MYO18B: variants seen among roughly 807,000 people sequenced by gnomAD.
The protein encoded by MYO18B is unconventional myosin-XVIIIb.
MYO18B carries 204 observed loss-of-function variants against 273.0 expected under a neutral mutation model. The ratio of observed to expected loss-of-function variants is 0.75; its 90% CI spans 0.67 to 0.84. The LOEUF is 0.84. MYO18B is among the 40% of genes least tolerant of loss of function. The pLI is 0.00. For missense variants in MYO18B, 3,212 were observed against 3,287.6 expected, an observed-to-expected ratio of 0.98 and a Z score of 0.56; for synonymous variants, 1,330 against 1,305.7, an observed-to-expected ratio of 1.02 and a Z score of -0.40.
At position 25,818,205 on chromosome 22, in the gene MYO18B, A is replaced by C. The variant is rs75212018; in HGVS notation, c.2522-5300A>C. Among the ~76,000 whole-genome samples the C allele has an allele frequency of 5.2e-3, 788 of 152,296 alleles. 8 individuals are homozygous for C. The highest frequency in any genetic ancestry group is 0.018 in the African/African-American group (761 of 41,564). On this transcript the variant is annotated intron_variant, in intron 12 of 43. Transcript: ENST00000335473. ...GGCAGGGGAAAATCCACTTCCCCCA[A>C]TGGGGAGTTCCCTTTGAGGAATAAT...
intron 42 of MYO18B, among the ~76,000 whole-genome samples, chr22:26,020,827 G>A (rs114297323): frequency 0.016 from 2,379 of 152,250 alleles, 62 homozygotes; most frequent in African/African-American, 0.055. Context: ...CGTGACTCAC[G>A]CCTGTAATCC....
At chr22:25,870,675 A>G (rs2091022408) in intron 22 of MYO18B, among the ~76,000 whole-genome samples, 1 of 152,092 alleles carries the variant, frequency 6.6e-6, no homozygotes, top group Non-Finnish European at 1.5e-5. Context: ...GCAGTTCTCA[A>G]AGTATGGGCC....
chr22:25,851,420 C>A (rs1317247834), intron 20 of MYO18B, 50 bp from the exon 21 acceptor site: 10 of 1,306,054 alleles, frequency 7.7e-6, no homozygotes, highest in Non-Finnish European at 1.1e-5. Flanking sequence ...TGGGCTGGGT[C>A]TTCTCATCTG....
At chr22:25,925,788 C>T (rs1430072558) in intron 34 of MYO18B, among the ~76,000 whole-genome samples, 1 of 150,560 alleles carries the variant, frequency 6.6e-6, no homozygotes, top group Non-Finnish European at 1.5e-5. Context: ...GACTGTAATC[C>T]CAGCTACTCA....
intron 12 of MYO18B, among the ~76,000 whole-genome samples, chr22:25,805,456 G>A (rs2088427051): frequency 6.6e-6 from 1 of 152,182 alleles, no homozygotes; most frequent in African/African-American, 2.4e-5. Context: ...TCAGCTGGGA[G>A]CCCTAGAGCT....
chr22:25,782,494 A>G (rs190872572), intron 10 of MYO18B, among the ~76,000 whole-genome samples: 574 of 152,308 alleles, frequency 3.8e-3, no homozygotes, highest in Non-Finnish European at 5.9e-3. Context: ...CTAAAAAGCC[A>G]TCTCTGCCCT....
In MYO18B at chr22:25,823,557, C is replaced by A. The variant is rs886247710; in HGVS notation, c.2574C>A (p.Ala858=). The A allele has an allele frequency of 1.9e-6, 3 of 1,613,856 alleles. No homozygotes were observed. In the African/African-American group the frequency reaches 4.0e-5, roughly 22 times the overall value. Residue 858 remains alanine, a synonymous_variant, in exon 13 of 44, where the codon GCC becomes GCA. Transcript: ENST00000335473. The part of the protein sequence containing the change: ...RFEWANYAAE[A]LGCEYEELNT... The stretch of plus-strand genomic sequence containing the variant: ...AGTGGGCAAACTACGCAGCTGAGGC[C>A]CTGGGCTGCGAGTATGAGGAGCTGA...
intron 23 of MYO18B, among the ~76,000 whole-genome samples, chr22:25,874,879 T>C (rs775033607): frequency 1.3e-5 from 2 of 152,164 alleles, no homozygotes; most frequent in Non-Finnish European, 2.9e-5. Context: ...ACAAGTATTA[T>C]ATATGTTCGA....
chr22:25,843,851 C>T lies in MYO18B; in HGVS notation c.3325C>T (p.Leu1109Phe), dbSNP rs769406783. The T allele has an allele frequency of 6.2e-7, 1 of 1,613,434 alleles. No homozygotes were observed. The highest frequency in any genetic ancestry group is 1.1e-5 in the South Asian group (1 of 91,056). Residue 1109 changes from leucine to phenylalanine, a missense_variant, in exon 18 of 44, where the codon CTC becomes TTC. Physicochemically the swap from Leu to Phe is conservative, Grantham distance 22 (BLOSUM62 0). Transcript: ENST00000335473. Reference sequence around the variant, plus strand: ...CTGGCTCCACAGAGCCAAGCCCAACCTCTCGGCCCTGGATGCACCCCAGGT... The same window carrying T: ...CTGGCTCCACAGAGCCAAGCCCAACTTCTCGGCCCTGGATGCACCCCAGGT... ...TGWLHRAKPNLSALDAPQVLH... is the reference protein window; with the variant it reads ...TGWLHRAKPNFSALDAPQVLH...
chr22:25,982,436 A>G (rs76211601), intron 39 of MYO18B, among the ~76,000 whole-genome samples: 2,681 of 152,310 alleles, frequency 0.018, 85 homozygotes, highest in African/African-American at 0.062. Context: ...GCAACAAGCA[A>G]CCACTAACAC....
intron 4 of MYO18B, 26 bp downstream of exon 4, chr22:25,769,454 G>T (rs190475710): frequency 6.7e-7 from 1 of 1,487,142 alleles, no homozygotes; most frequent in Admixed American, 2.4e-5. Flanking sequence ...CCCTGGGAGC[G>T]GGAAGCGGCA....
intron 21 of MYO18B, among the ~76,000 whole-genome samples, chr22:25,857,327 A>G (rs777723981): frequency 6.6e-6 from 1 of 152,182 alleles, no homozygotes; most frequent in Admixed American, 6.5e-5. Flanking sequence ...CAAAGTGTCT[A>G]CAGTGTTGAT....
intron 14 of MYO18B, 37 bp from the exon 15 acceptor site, chr22:25,828,738 GC>G: frequency 6.3e-7 from 1 of 1,583,794 alleles, no homozygotes; most frequent in Non-Finnish European, 8.6e-7. Flanking sequence ...TAGATTCCAT[GC>G]CATCTCAGAC....
intron 12 of MYO18B, among the ~76,000 whole-genome samples, chr22:25,817,589 G>T (rs1157764478): frequency 6.6e-6 from 1 of 152,038 alleles, no homozygotes; most frequent in Admixed American, 6.6e-5. Context: ...TTTGCCTGGG[G>T]TCACCTGGTT....
At position 25,763,319 on chromosome 22, in the gene MYO18B, G is replaced by T; in HGVS notation, c.128G>T (p.Arg43Leu). The T allele has an allele frequency of 1.9e-6, 3 of 1,613,022 alleles. No homozygotes were observed. Among genetic ancestry groups the T allele is most frequent in the East Asian group, 2.2e-5 (1 of 44,854 alleles). The change falls in exon 3 of 44, where the codon CGG (arginine) becomes CTG (leucine). Residue 43 changes from arginine (R) to leucine (L), a missense_variant. By Grantham distance (102) the Arg-to-Leu change is moderately radical. Coordinates refer to ENST00000335473, the MANE Select transcript of MYO18B (RefSeq NM_032608.7). ...IPGGFIKQLV[R>L]GTEKEAKEAR... Reference sequence around the variant, plus strand: ...GGGGGCTTCATTAAGCAACTGGTCCGGGGGACTGAAAAAGAGGCCAAGGAA... The same window carrying T: ...GGGGGCTTCATTAAGCAACTGGTCCTGGGGACTGAAAAAGAGGCCAAGGAA...
chr22:25,990,194 G>T (rs1221420001), intron 39 of MYO18B, among the ~76,000 whole-genome samples: 2 of 152,150 alleles, frequency 1.3e-5, no homozygotes, highest in East Asian at 1.9e-4. Context: ...TAATGTGAAT[G>T]GGCAAGCCAA....
chr22:25,824,266 TCAC>T (rs2089403282), intron 13 of MYO18B, among the ~76,000 whole-genome samples: 2 of 151,938 alleles, frequency 1.3e-5, no homozygotes, highest in Non-Finnish European at 2.9e-5. Context: ...CCTATAAAAA[TCAC>T]CAGGTGATAG....
chr22:25,766,990 CT>C (rs2086529553), intron 3 of MYO18B, among the ~76,000 whole-genome samples: 1 of 152,162 alleles, frequency 6.6e-6, no homozygotes. Context: ...CAACATGCCC[CT>C]GGGACTGGTT....
chr22:26,002,559 C>T (rs536252010), intron 40 of MYO18B, among the ~76,000 whole-genome samples: 2 of 152,252 alleles, frequency 1.3e-5, no homozygotes, highest in East Asian at 1.9e-4. Flanking sequence ...TACTGAGAAG[C>T]CCCAGCCTGA....
Sources: allele counts gnomAD v4.1 joint callset (sites outside exome capture counted in the v4.1 genomes callset), GRCh38; gene constraint gnomAD v4.1.1; transcripts MANE v1.5; gene names NCBI Gene and HGNC (gene_info 2026-07-23, HGNC 2026-07-21).